The following C16orf89 variants were observed in gnomAD, a reference collection of about 807,000 sequenced individuals.
C16orf89 encodes UPF0764 protein C16orf89.
A neutral mutation model predicts 41.5 loss-of-function variants in C16orf89; 57 were observed. The observed-to-expected ratio is 1.38, with a 90% CI of 1.11 to 1.71. C16orf89 has a LOEUF of 1.71. C16orf89 is among the 40% of genes most tolerant of loss of function. C16orf89 has a pLI of 0.00. For missense variants in C16orf89, 575 were observed against 445.9 expected (o/e 1.29, Z -2.61); for synonymous variants, 223 against 190.6 (o/e 1.17, Z -1.40).
chr16:5,054,458 T>A (rs1430173615), intron 6 of C16orf89, among the ~76,000 whole-genome samples: 1 of 152,188 alleles, frequency 6.6e-6, no homozygotes, highest in Non-Finnish European at 1.5e-5. Context: ...GGACTTCTCT[T>A]CTTCCTCACC....
chr16:5,064,170 C>A (rs914908725), intron 1 of C16orf89, among the ~76,000 whole-genome samples: 1 of 151,950 alleles, frequency 6.6e-6, no homozygotes, highest in African/African-American at 2.4e-5. Context: ...AAATAAAGTG[C>A]ACAATAAATT....
intron 6 of C16orf89, among the ~76,000 whole-genome samples, chr16:5,048,203 A>AC (rs1956335768): frequency 6.6e-6 from 1 of 151,820 alleles, no homozygotes; most frequent in African/African-American, 2.4e-5. Flanking sequence ...TATTTAAAAA[A>AC]AATTTTTTTT....
chr16:5,062,334 C>T, intron 2 of C16orf89, 91 bp downstream of exon 2: 5 of 1,437,388 alleles, frequency 3.5e-6, no homozygotes, highest in Admixed American at 2.2e-5. Context: ...CCAGCCCAGC[C>T]TTGCCCCAGG....
intron 4 of C16orf89, among the ~76,000 whole-genome samples, chr16:5,057,205 C>G (rs1956526309): frequency 6.7e-6 from 1 of 148,318 alleles, no homozygotes; most frequent in Non-Finnish European, 1.5e-5. Context: ...CCACTGCACT[C>G]CAGCCTGGGC....
chr16:5,056,236 C>T (rs1196744343), intron 4 of C16orf89, 48 bp from the exon 5 acceptor site: 1 of 1,526,034 alleles, frequency 6.6e-7, no homozygotes, highest in Non-Finnish European at 9.0e-7. Context: ...GTACAGATGA[C>T]AGACACACGC....
chr16:5,058,240 C>A (rs1010271812), intron 4 of C16orf89, among the ~76,000 whole-genome samples: 1 of 152,006 alleles, frequency 6.6e-6, no homozygotes, highest in Non-Finnish European at 1.5e-5. Flanking sequence ...GATTCTCCTG[C>A]CTCAGCCTCC....
intron 4 of C16orf89, 85 bp downstream of exon 4, chr16:5,058,408 C>G: frequency 8.1e-7 from 1 of 1,237,452 alleles, no homozygotes; most frequent in Non-Finnish European, 1.1e-6. Context: ...GCTTGGATTA[C>G]AGGCATGAGC....
At chr16:5,060,061 C>T (rs1361254081) in intron 3 of C16orf89, among the ~76,000 whole-genome samples, 2 of 152,048 alleles carry the variant, frequency 1.3e-5, no homozygotes, top group Non-Finnish European at 2.9e-5. Flanking sequence ...TCAGCCATGG[C>T]TGCTGGAAGG....
intron 6 of C16orf89, among the ~76,000 whole-genome samples, chr16:5,053,247 G>A (rs1956430203): frequency 6.6e-6 from 1 of 152,076 alleles, no homozygotes; most frequent in African/African-American, 2.4e-5. Flanking sequence ...GCATGCACCT[G>A]TAGTCCCAGC....
At chr16:5,051,797 A>C (rs1321206524) in intron 6 of C16orf89, among the ~76,000 whole-genome samples, 1 of 152,212 alleles carries the variant, frequency 6.6e-6, no homozygotes, top group South Asian at 2.1e-4. Context: ...ATATGCTTCA[A>C]GGCTATAGGA....
At position 5,062,497 on chromosome 16, in the gene C16orf89, C is replaced by G; in HGVS notation, c.286G>C (p.Gly96Arg). The change falls in exon 2 of 8, where the codon GGG (glycine) becomes CGG (arginine). Residue 96 changes from glycine (G) to arginine (R), a missense_variant. Physicochemically the swap from Gly to Arg is moderately radical, Grantham distance 125. Coordinates refer to ENST00000472572, the MANE Select transcript of C16orf89 (RefSeq NM_001098514.3). ...TGGATGGCAGCCTCCAGCTTCTCCCCCAGCATCCCCACGCGCAGGCTCAGC... is the reference window on the plus strand; with the variant it reads ...TGGATGGCAGCCTCCAGCTTCTCCCGCAGCATCCCCACGCGCAGGCTCAGC... Reference protein sequence around the residue: ...QPLSLRVGMLGEKLEAAIQRS... With the variant: ...QPLSLRVGMLREKLEAAIQRS... The G allele has an allele frequency of 6.2e-7, 1 of 1,614,110 alleles. No individual in the cohort carries two copies. Among genetic ancestry groups the G allele is most frequent in the Non-Finnish European group, 8.5e-7 (1 of 1,179,964 alleles).
intron 6 of C16orf89, among the ~76,000 whole-genome samples, chr16:5,051,017 A>G (rs1351195004): frequency 2.0e-5 from 3 of 152,214 alleles, no homozygotes; most frequent in African/African-American, 7.2e-5. Context: ...TTCATGATAA[A>G]TCTCTCAATA....
At position 5,056,126 on chromosome 16, in the gene C16orf89, G is replaced by A; in HGVS notation, c.690C>T (p.Asn230=). Residue 230 remains asparagine (N), a synonymous_variant, in exon 5 of 8, where the codon AAC becomes AAT. Transcript: ENST00000472572. ...SQDYINLFCA[N]MMDLNRRAEA... Reference sequence around the variant, plus strand: ...CAGCTCTGCGGTTCAAGTCCATCATGTTGGCGCAGAAGAGGTTGATATAGT... The same window carrying A: ...CAGCTCTGCGGTTCAAGTCCATCATATTGGCGCAGAAGAGGTTGATATAGT... 3.8e-6 allele frequency: 6 copies of A among 1,599,806 alleles called. No individual in the cohort carries two copies. Among genetic ancestry groups the A allele is most frequent in the Non-Finnish European group, 5.1e-6 (6 of 1,167,874 alleles).
Position 5,065,713 on chromosome 16 carries a change from G to A in C16orf89, c.196C>T (p.Arg66Ter), listed in dbSNP as rs148665894. ...EINLDGMVGV[R>*]VLEEQLKSVR... ...GGGGCTCACTCACCTTCCAGCACTC[G>A]GACCCCCACCATGCCATCCAGGTTG... is the stretch of plus-strand genomic sequence containing the variant. Residue 66 changes from arginine (R) to a stop codon, truncating the protein, a stop_gained, in exon 1 of 8, where the codon CGA (arginine) becomes TGA (stop). Transcript: ENST00000472572. LOFTEE classifies it high-confidence loss of function. 18 of 1,613,238 alleles carry A rather than the reference G, an allele frequency of 1.1e-5. No individual in the cohort carries two copies. The Admixed American group carries it at 1.5e-4, about 13-fold the overall frequency.
At chr16:5,057,623 G>T (rs886232057) in intron 4 of C16orf89, among the ~76,000 whole-genome samples, 2 of 151,496 alleles carry the variant, frequency 1.3e-5, no homozygotes, top group Non-Finnish European at 2.9e-5. Flanking sequence ...CTGCCTCTCT[G>T]GTTCAAGCGA....
At chr16:5,064,138 T>C (rs902422524) in intron 1 of C16orf89, among the ~76,000 whole-genome samples, 1 of 151,376 alleles carries the variant, frequency 6.6e-6, no homozygotes, top group African/African-American at 2.4e-5. Flanking sequence ...ATAATAATAA[T>C]ATAATAATAA....
chr16:5,044,591 C>T, intron 7 of C16orf89, 113 bp from the exon 8 acceptor site: 4 of 1,531,858 alleles, frequency 2.6e-6, no homozygotes, highest in Non-Finnish European at 3.5e-6. Flanking sequence ...ACCTATAATC[C>T]CACACTTTGG....
At position 5,044,191 on chromosome 16, in the gene C16orf89, T is replaced by G; in HGVS notation, c.*157A>C. ...TCCCGGCCCCCACCTACCCTGGCCTTGCCTACTCAGGGCTTCCAAGATTGG... is the reference window on the plus strand; with the variant it reads ...TCCCGGCCCCCACCTACCCTGGCCTGGCCTACTCAGGGCTTCCAAGATTGG... On this transcript the variant is annotated 3_prime_UTR_variant, in exon 8 of 8. Transcript: ENST00000472572. 1 of 1,392,230 alleles carries G rather than the reference T, an allele frequency of 7.2e-7. No individual in the cohort carries two copies. The highest frequency in any genetic ancestry group is 9.3e-7 in the Non-Finnish European group (1 of 1,077,332). 86.2% of individuals were successfully genotyped at this position (1,392,230 alleles called of 1,614,324 possible). A position where few individuals can be genotyped will look rare whatever the true frequency, so the allele number is the denominator to read the frequency against.
At chr16:5,044,515 G>C in intron 7 of C16orf89, 37 bp from the exon 8 acceptor site, 1 of 1,610,784 alleles carries the variant, frequency 6.2e-7, no homozygotes, top group Non-Finnish European at 8.5e-7. Context: ...TGGGTGGCAA[G>C]AACCTTGGCC....
Sources: gnomAD v4.1 joint callset for allele counts (sites outside exome capture counted in the v4.1 genomes callset) on GRCh38, gnomAD v4.1.1 for gene constraint, MANE v1.5 for transcripts, NCBI Gene and HGNC (gene_info 2026-07-23, HGNC 2026-07-21) for gene names.